NALF1: variants seen among roughly 807,000 people sequenced by gnomAD.
NALF1 encodes family with sequence similarity 155 member A.
A neutral mutation model predicts 48.4 loss-of-function variants in NALF1; 3 were observed. The ratio of observed to expected loss-of-function variants is 0.06; its 90% CI spans 0.03 to 0.16. The LOEUF (loss-of-function observed/expected upper bound fraction) is 0.16, where lower values mean the gene tolerates loss of function less well. NALF1 is among the 10% of genes least tolerant of loss of function. The pLI is 1.00. For synonymous variants in NALF1, 262 were observed against 245.7 expected (o/e 1.07, Z -0.62); for missense variants, 526 against 571.5 (o/e 0.92, Z 0.81).
At chr13:107,609,982 A>G (rs1879182958) in intron 1 of NALF1, among the ~76,000 whole-genome samples, 1 of 152,226 alleles carries the variant, frequency 6.6e-6, no homozygotes, top group African/African-American at 2.4e-5. Context: ...CAAAGAGAAT[A>G]TAGATAAATG....
At chr13:107,281,712 A>T (rs1021059987) in intron 1 of NALF1, among the ~76,000 whole-genome samples, 1 of 152,186 alleles carries the variant, frequency 6.6e-6, no homozygotes, top group African/African-American at 2.4e-5. Flanking sequence ...TGAAGGAAAG[A>T]GGTTTAATTG....
chr13:107,672,309 C>T (rs1021465736), intron 1 of NALF1, among the ~76,000 whole-genome samples: 1 of 152,346 alleles, frequency 6.6e-6, no homozygotes, highest in South Asian at 2.1e-4. Flanking sequence ...ATATCTCACA[C>T]ATATTCGTCA....
At chr13:107,787,208 A>C (rs748876446) in intron 1 of NALF1, among the ~76,000 whole-genome samples, 1 of 152,164 alleles carries the variant, frequency 6.6e-6, no homozygotes, top group South Asian at 2.1e-4. Flanking sequence ...TTCTTTGTAC[A>C]CCCATAACAG....
At chr13:107,818,891 A>AAAAG (rs1752052174) in intron 1 of NALF1, among the ~76,000 whole-genome samples, 1 of 141,772 alleles carries the variant, frequency 7.1e-6, no homozygotes, top group African/African-American at 2.8e-5. Flanking sequence ...AAAAAAAAAA[A>AAAAG]AAAAATCCAG....
At chr13:107,637,394 C>A (rs1052440934) in intron 1 of NALF1, among the ~76,000 whole-genome samples, 1 of 152,112 alleles carries the variant, frequency 6.6e-6, no homozygotes, top group Non-Finnish European at 1.5e-5. Flanking sequence ...CAAACCACAA[C>A]ATAAATCTAC....
chr13:107,682,948 C>A (rs756392771), intron 1 of NALF1, among the ~76,000 whole-genome samples: 2 of 152,128 alleles, frequency 1.3e-5, no homozygotes, highest in African/African-American at 4.8e-5. Flanking sequence ...ATTTTAGTAA[C>A]AAATTGTTCT....
intron 1 of NALF1, among the ~76,000 whole-genome samples, chr13:107,851,928 T>C (rs76030888): frequency 0.019 from 2,891 of 149,558 alleles, 79 homozygotes; most frequent in East Asian, 0.12. Context: ...CCTACCTCAG[T>C]CCCCCATGTA....
intron 1 of NALF1, among the ~76,000 whole-genome samples, chr13:107,341,370 G>GTA (rs1882677521): frequency 1.3e-5 from 2 of 151,910 alleles, no homozygotes; most frequent in Admixed American, 6.6e-5. Context: ...GTGTGTGTGT[G>GTA]TACATATGAT....
intron 1 of NALF1, among the ~76,000 whole-genome samples, chr13:107,403,374 A>C (rs1443987752): frequency 6.6e-6 from 1 of 151,432 alleles, no homozygotes; most frequent in Non-Finnish European, 1.5e-5. Context: ...GCTCTGACAG[A>C]GCAAATTTTC....
chr13:107,398,759 T>C (rs1425204021), intron 1 of NALF1, among the ~76,000 whole-genome samples: 5 of 152,184 alleles, frequency 3.3e-5, no homozygotes, highest in African/African-American at 1.2e-4. Context: ...GTATTTGTCA[T>C]ATGAATGAAA....
At chr13:107,621,153 AC>A in intron 1 of NALF1, among the ~76,000 whole-genome samples, 1 of 152,052 alleles carries the variant, frequency 6.6e-6, no homozygotes, top group African/African-American at 2.4e-5. Context: ...GACTGTTTAA[AC>A]TCTCCCAGCA....
intron 1 of NALF1, among the ~76,000 whole-genome samples, chr13:107,535,857 T>C (rs890659964): frequency 3.9e-5 from 6 of 152,166 alleles, no homozygotes. Flanking sequence ...CAAAACAGCA[T>C]GGTACTGGTA....
At chr13:107,822,453 T>A (rs959717541) in intron 1 of NALF1, among the ~76,000 whole-genome samples, 1 of 152,122 alleles carries the variant, frequency 6.6e-6, no homozygotes, top group African/African-American at 2.4e-5. Flanking sequence ...AATGGAAATG[T>A]AAGACTTACT....
chr13:107,627,700 G>A (rs1463903623), intron 1 of NALF1, among the ~76,000 whole-genome samples: 1 of 152,120 alleles, frequency 6.6e-6, no homozygotes, highest in Non-Finnish European at 1.5e-5. Flanking sequence ...GAGAACTGCA[G>A]TGGTGGGCTC....
At position 107,492,032 on chromosome 13, in the gene NALF1, G is replaced by T. The variant is rs868721233; in HGVS notation, c.916-281277C>A. 4.8e-5 allele frequency among the ~76,000 whole-genome samples: 5 copies of T among 103,370 alleles called. No individual in the cohort carries two copies. In the East Asian group the frequency reaches 7.8e-4, roughly 16 times the overall value. The allele number at this position is 103,370 out of a possible 152,430, so 67.8% of individuals were successfully genotyped here. On this transcript the variant is annotated intron_variant, in intron 1 of 2. Coordinates refer to ENST00000375915, the MANE Select transcript of NALF1 (RefSeq NM_001080396.3). The stretch of plus-strand genomic sequence containing the variant: ...GTTTCATTTTTACAAGCCTGTCTGG[G>T]TTTTTTTTTGTTTTTTTTTTTTTTT...
intron 1 of NALF1, among the ~76,000 whole-genome samples, chr13:107,595,627 C>T (rs1011987521): frequency 6.6e-6 from 1 of 152,042 alleles, no homozygotes; most frequent in African/African-American, 2.4e-5. Flanking sequence ...TTTCTAATTG[C>T]TATATTTTCC....
At chr13:107,826,291 G>C (rs577371271) in intron 1 of NALF1, among the ~76,000 whole-genome samples, 2 of 149,246 alleles carry the variant, frequency 1.3e-5, no homozygotes, top group East Asian at 4.3e-4. Context: ...ATTTGTGTGT[G>C]TGTGCATGTG....
At chr13:107,798,087 T>A (rs1878488289) in intron 1 of NALF1, among the ~76,000 whole-genome samples, 1 of 152,160 alleles carries the variant, frequency 6.6e-6, no homozygotes, top group Non-Finnish European at 1.5e-5. Context: ...CATGATGATG[T>A]ATAATAAAGG....
At chr13:107,773,071 A>T (rs1198830921) in intron 1 of NALF1, among the ~76,000 whole-genome samples, 6 of 152,182 alleles carry the variant, frequency 3.9e-5, no homozygotes, top group Non-Finnish European at 8.8e-5. Flanking sequence ...TAACATGAAT[A>T]ATTTACAATT....
Sources: gnomAD v4.1 joint callset for allele counts (sites outside exome capture counted in the v4.1 genomes callset) on GRCh38, gnomAD v4.1.1 for gene constraint, MANE v1.5 for transcripts, NCBI Gene and HGNC (gene_info 2026-07-23, HGNC 2026-07-21) for gene names.